Variants in UPP2 observed in about 807,000 individuals in gnomAD.
UPP2 encodes the protein UPase 2.
A neutral mutation model predicts 26.7 loss-of-function variants in UPP2; 23 were observed. The observed-to-expected ratio is 0.86, with a 90% CI of 0.62 to 1.22. The LOEUF (loss-of-function observed/expected upper bound fraction) is 1.22, where lower values mean the gene tolerates loss of function less well. Ranked by LOEUF, UPP2 falls within the 50% of genes most tolerant of loss-of-function variation. The pLI is 0.00. For synonymous variants in UPP2, 127 were observed against 141.3 expected (o/e 0.90, Z 0.72); for missense variants, 387 against 396.7 (o/e 0.98, Z 0.21).
chr2:158,084,228 T>C (rs1210176505), intron 3 of UPP2, among the ~76,000 whole-genome samples: 1 of 152,184 alleles, frequency 6.6e-6, no homozygotes, highest in Non-Finnish European at 1.5e-5. Flanking sequence ...CATATTGTGT[T>C]GTGGTTTTGA....
intron 3 of UPP2, among the ~76,000 whole-genome samples, chr2:158,087,085 T>C (rs922969903): frequency 7.2e-5 from 11 of 152,278 alleles, no homozygotes; most frequent in African/African-American, 2.6e-4. Flanking sequence ...GTTAGTGGAG[T>C]ATTAAAGTCC....
intron 3 of UPP2, among the ~76,000 whole-genome samples, chr2:158,058,220 G>C (rs867664063): frequency 6.6e-6 from 1 of 150,666 alleles, no homozygotes; most frequent in African/African-American, 2.4e-5. Flanking sequence ...ATGAACCCAG[G>C]AGGTGGAGCT....
chr2:158,021,215 T>C (rs1473185705), intron 3 of UPP2, among the ~76,000 whole-genome samples: 1 of 152,238 alleles, frequency 6.6e-6, no homozygotes, highest in African/African-American at 2.4e-5. Context: ...CACTTCTAAA[T>C]ATTTTAACCT....
chr2:158,046,290 G>T (rs977757044), intron 3 of UPP2, among the ~76,000 whole-genome samples: 3 of 152,182 alleles, frequency 2.0e-5, no homozygotes, highest in African/African-American at 7.2e-5. Flanking sequence ...TTTGCTCATA[G>T]TTTCCACTCC....
At chr2:158,032,302 G>T (rs1421301823) in intron 3 of UPP2, among the ~76,000 whole-genome samples, 2 of 152,142 alleles carry the variant, frequency 1.3e-5, no homozygotes, top group Non-Finnish European at 2.9e-5. Context: ...TTCATGGCGA[G>T]ACTGGGGAAA....
intron 3 of UPP2, among the ~76,000 whole-genome samples, chr2:158,058,695 T>A (rs1182429564): frequency 2.0e-5 from 3 of 152,132 alleles, no homozygotes; most frequent in Non-Finnish European, 4.4e-5. Context: ...ACTTCCATAT[T>A]TTCTGGCACT....
At chr2:158,107,596 G>A (rs1163489045) in intron 2 of UPP2, among the ~76,000 whole-genome samples, 1 of 152,092 alleles carries the variant, frequency 6.6e-6, no homozygotes, top group African/African-American at 2.4e-5. Context: ...GGTGAGAAAA[G>A]GGGAGGAGGA....
chr2:158,062,758 G>A (rs1682372365), intron 3 of UPP2, among the ~76,000 whole-genome samples: 1 of 152,184 alleles, frequency 6.6e-6, no homozygotes, highest in Non-Finnish European at 1.5e-5. Flanking sequence ...TTTCCCGTCA[G>A]AGGACTATCC....
At chr2:158,119,910 C>T (rs1401918680) in intron 4 of UPP2, among the ~76,000 whole-genome samples, 1 of 151,394 alleles carries the variant, frequency 6.6e-6, no homozygotes, top group Non-Finnish European at 1.5e-5. Context: ...ATTCTGGAGG[C>T]TGAGGCAGGA....
rs2105142416 is a variant in UPP2, at chr2:158,012,794, T to C, written c.62-3007T>C. ...CTACAAGGAGATGGTAACTATTTTG[T>C]TGGATCATGTTTTTATGTGTACATA... is the stretch of plus-strand genomic sequence containing the variant. On this transcript the variant is annotated intron_variant, in intron 2 of 9. Transcript: ENST00000605860. 2.6e-5 allele frequency among the ~76,000 whole-genome samples: 4 copies of C among 152,276 alleles called. 1 individual carries two copies. The Middle Eastern group carries it at 0.014, about 518-fold the overall frequency.
In UPP2 at chr2:158,065,898, T is replaced by C. The variant is rs1445066278; in HGVS notation, c.148-36142T>C. 4 of 605,520 alleles carry C rather than the reference T, an allele frequency of 6.6e-6. No homozygotes were observed. In the Admixed American group the frequency reaches 6.8e-5, roughly 10 times the overall value. The allele number at this position is 605,520 out of a possible 1,614,324, so 37.5% of individuals were successfully genotyped here. A position where few individuals can be genotyped will look rare whatever the true frequency, so the allele number is the denominator to read the frequency against. On this transcript the variant is annotated intron_variant, in intron 3 of 9. Transcript: ENST00000605860. ...AGCTCCAGTACTTGTTGCCCTAGCA[T>C]TAATTGAAGGCAAAATGAAAGATGA...
intron 2 of UPP2, among the ~76,000 whole-genome samples, chr2:158,007,630 T>TC (rs928333249): frequency 3.7e-4 from 32 of 86,116 alleles, no homozygotes; most frequent in Middle Eastern, 5.2e-3. Flanking sequence ...TCTCTCTCTC[T>TC]TTTTTTTTTT....
intron 3 of UPP2, among the ~76,000 whole-genome samples, chr2:158,071,444 G>A (rs1682538201): frequency 6.6e-6 from 1 of 150,928 alleles, no homozygotes; most frequent in South Asian, 2.1e-4. Context: ...CCAGCTACTG[G>A]AGAGGCTGAG....
At chr2:158,090,606 A>T (rs10183520) in intron 3 of UPP2, among the ~76,000 whole-genome samples, 3,361 of 152,260 alleles carry the variant, frequency 0.022, 125 homozygotes, top group African/African-American at 0.073. Flanking sequence ...ATTTAAAAAA[A>T]TTTTCATTTC....
chr2:158,077,184 A>G (rs1682643386), intron 3 of UPP2, among the ~76,000 whole-genome samples: 1 of 152,140 alleles, frequency 6.6e-6, no homozygotes, highest in Non-Finnish European at 1.5e-5. Context: ...ATGGAAAAAT[A>G]TTCCGTTTCA....
At chr2:158,070,243 A>C (rs1025764912) in intron 3 of UPP2, among the ~76,000 whole-genome samples, 6 of 152,190 alleles carry the variant, frequency 3.9e-5, no homozygotes, top group African/African-American at 1.4e-4. Context: ...TGTCTCATGA[A>C]TGAACCCAAA....
chr2:158,058,292 CAAAAAAAAAAAAAAA>C lies in UPP2; in HGVS notation c.147+42424_147+42438del, dbSNP rs57994785. On this transcript the variant is annotated intron_variant, in intron 3 of 9. Coordinates refer to the UPP2 transcript ENST00000605860. ...TGGGCGACAGAGCGAGACTCCGTCT[CAAAAAAAAAAAAAAA>C]AAAAAAAAAAAAAAAAAGAAGAAGA... 7.1e-3 allele frequency among the ~76,000 whole-genome samples: 275 copies of C among 38,780 alleles called. 3 individuals carry two copies. Among genetic ancestry groups the C allele is most frequent in the South Asian group, 8.6e-3 (6 of 700 alleles). 25.4% of individuals were successfully genotyped at this position (38,780 alleles called of 152,430 possible). A position where few individuals can be genotyped will look rare whatever the true frequency, so the allele number is the denominator to read the frequency against.
intron 3 of UPP2, among the ~76,000 whole-genome samples, chr2:158,046,207 A>C (rs554463727): frequency 6.6e-6 from 1 of 152,318 alleles, no homozygotes; most frequent in Non-Finnish European, 1.5e-5. Context: ...AAATCAAATA[A>C]AGAAGCTATA....
intron 3 of UPP2, among the ~76,000 whole-genome samples, chr2:158,038,129 T>G (rs2105161695): frequency 6.6e-6 from 1 of 152,384 alleles, no homozygotes; most frequent in Non-Finnish European, 1.5e-5. Context: ...AACCATCTTA[T>G]TTTCAGTTTC....
Sources: gnomAD v4.1 joint callset for allele counts (sites outside exome capture counted in the v4.1 genomes callset) on GRCh38, gnomAD v4.1.1 for gene constraint, MANE v1.5 for transcripts, NCBI Gene and HGNC (gene_info 2026-07-23, HGNC 2026-07-21) for gene names.